Variants in SUGCT observed in about 807,000 individuals in gnomAD.
The protein encoded by SUGCT is succinyl-CoA:glutarate CoA-transferase.
Under a neutral mutation model 55.0 loss-of-function variants are expected in SUGCT, and 41 were observed. The ratio of observed to expected loss-of-function variants is 0.74; its 90% CI spans 0.58 to 0.97. The LOEUF (loss-of-function observed/expected upper bound fraction) is 0.97, where lower values mean the gene tolerates loss of function less well. SUGCT is among the 50% of genes least tolerant of loss of function. The pLI is 0.00. For synonymous variants in SUGCT, 187 were observed against 200.4 expected, an observed-to-expected ratio of 0.93 and a Z score of 0.56; for missense variants, 568 against 547.8, an observed-to-expected ratio of 1.04 and a Z score of -0.37.
At chr7:40,309,900 A>C (rs888820276) in intron 8 of SUGCT, among the ~76,000 whole-genome samples, 2 of 152,062 alleles carry the variant, frequency 1.3e-5, no homozygotes, top group African/African-American at 4.8e-5. Flanking sequence ...ATTAAAAAAA[A>C]AAAAAAACAC....
Position 40,262,119 on chromosome 7 carries a change from G to C in SUGCT, c.577-12394G>C, listed in dbSNP as rs549698632. Among the ~76,000 whole-genome samples, 19 of 152,218 alleles carry C rather than the reference G, an allele frequency of 1.2e-4. No individual in the cohort carries two copies. The East Asian group carries it at 2.5e-3, about 20-fold the overall frequency. On this transcript the variant is annotated intron_variant, in intron 7 of 13. Coordinates refer to ENST00000335693, the MANE Select transcript of SUGCT (RefSeq NM_001193313.2). The stretch of plus-strand genomic sequence containing the variant: ...CAGTAGACAAGAAAATAGTGTGATC[G>C]AAGTATTAAGGCATTTTTGGAAATT...
intron 6 of SUGCT, among the ~76,000 whole-genome samples, chr7:40,217,179 C>A (rs954225667): frequency 6.6e-6 from 1 of 152,104 alleles, no homozygotes; most frequent in Non-Finnish European, 1.5e-5. Flanking sequence ...CGTTGCCCAC[C>A]AACCTGTCTT....
At chr7:40,958,037 G>A in the SUGCT span, among the ~76,000 whole-genome samples, 1 of 152,174 alleles carries the variant, frequency 6.6e-6, no homozygotes, top group Non-Finnish European at 1.5e-5. Flanking sequence ...TTGTCTGTTA[G>A]TGTGATGGGC....
chr7:40,946,327 A>G, the SUGCT span, among the ~76,000 whole-genome samples: 4 of 152,122 alleles, frequency 2.6e-5, no homozygotes, highest in African/African-American at 9.7e-5. Flanking sequence ...GGGTAAGGTC[A>G]GGTCGGGGCT....
intron 12 of SUGCT, among the ~76,000 whole-genome samples, chr7:40,510,746 G>A (rs1041534718): frequency 2.6e-5 from 4 of 152,042 alleles, no homozygotes; most frequent in Non-Finnish European, 2.9e-5. Context: ...TCATGAGGTC[G>A]TACAAAAATA....
At chr7:40,610,558 G>T (rs920853680) in intron 12 of SUGCT, among the ~76,000 whole-genome samples, 1 of 152,128 alleles carries the variant, frequency 6.6e-6, no homozygotes, top group South Asian at 2.1e-4. Flanking sequence ...AAAACATTTT[G>T]CTAGAAGAGA....
intron 12 of SUGCT, among the ~76,000 whole-genome samples, chr7:40,701,309 A>G (rs2128662202): frequency 6.6e-6 from 1 of 152,046 alleles, no homozygotes; most frequent in East Asian, 1.9e-4. Flanking sequence ...GTGGCAGGGC[A>G]CTCCTATCTC....
intron 12 of SUGCT, among the ~76,000 whole-genome samples, chr7:40,574,196 C>G (rs1796600629): frequency 6.6e-6 from 1 of 152,166 alleles, no homozygotes; most frequent in Non-Finnish European, 1.5e-5. Context: ...GCTCCTCTCT[C>G]TACTCCAGCA....
intron 12 of SUGCT, among the ~76,000 whole-genome samples, chr7:40,627,588 A>C (rs1000869091): frequency 6.6e-6 from 1 of 152,214 alleles, no homozygotes; most frequent in Non-Finnish European, 1.5e-5. Context: ...AGCAGGCTGA[A>C]GTGAAGTTTC....
At chr7:40,212,875 G>C (rs1787421720) in intron 6 of SUGCT, among the ~76,000 whole-genome samples, 1 of 152,050 alleles carries the variant, frequency 6.6e-6, no homozygotes, top group Non-Finnish European at 1.5e-5. Context: ...TGATTGATAA[G>C]AAACAAAAAT....
rs114142655 is a variant in SUGCT at position 40,727,752 on chromosome 7, A to G, written c.1090-21682A>G. 9.0e-3 allele frequency among the ~76,000 whole-genome samples: 1,366 copies of G among 152,340 alleles called. 15 individuals carry two copies. Among genetic ancestry groups the G allele is most frequent in the African/African-American group, 0.031 (1,282 of 41,578 alleles). On this transcript the variant is annotated intron_variant, in intron 12 of 13. Coordinates refer to ENST00000335693, the MANE Select transcript of SUGCT (RefSeq NM_001193313.2). Reference sequence around the variant, plus strand: ...TGCAGAAAGAGAATTTTGTAAACCTAGGAAAATGCTGTAGTTCTAGTGCCT... The same window carrying G: ...TGCAGAAAGAGAATTTTGTAAACCTGGGAAAATGCTGTAGTTCTAGTGCCT...
At chr7:40,892,068 T>C in the SUGCT span, among the ~76,000 whole-genome samples, 1 of 152,104 alleles carries the variant, frequency 6.6e-6, no homozygotes, top group Non-Finnish European at 1.5e-5. Flanking sequence ...AGACTCAGAA[T>C]AACACTGTAG....
At chr7:40,399,758 A>G (rs1406960450) in intron 9 of SUGCT, among the ~76,000 whole-genome samples, 2 of 152,208 alleles carry the variant, frequency 1.3e-5, no homozygotes, top group Non-Finnish European at 2.9e-5. Context: ...TGCACTGGCT[A>G]GTACCCCTAG....
chr7:40,780,815 A>T (rs192614208), intron 13 of SUGCT, among the ~76,000 whole-genome samples: 17 of 149,182 alleles, frequency 1.1e-4, no homozygotes, highest in Non-Finnish European at 2.1e-4. Context: ...TAACAAATTT[A>T]AAAACACCAG....
the SUGCT span, among the ~76,000 whole-genome samples, chr7:40,972,530 C>T: frequency 0.034 from 5,174 of 152,260 alleles, 287 homozygotes; most frequent in African/African-American, 0.12. Flanking sequence ...ACTTTGCACA[C>T]AGTGGGTTTG....
chr7:40,945,326 G>A, the SUGCT span, among the ~76,000 whole-genome samples: 1 of 152,100 alleles, frequency 6.6e-6, no homozygotes, highest in Non-Finnish European at 1.5e-5. Flanking sequence ...GATTAAACAG[G>A]CATCTGTTTT....
At position 40,385,947 on chromosome 7, in the gene SUGCT, C is replaced by T. The variant is rs1315438131; in HGVS notation, c.817-63340C>T. Among the ~76,000 whole-genome samples, 4 of 152,116 alleles carry T rather than the reference C, an allele frequency of 2.6e-5. No homozygotes were observed. In the East Asian group the frequency reaches 7.7e-4, roughly 29 times the overall value. On this transcript the variant is annotated intron_variant, in intron 9 of 13. Coordinates refer to ENST00000335693, the MANE Select transcript of SUGCT (RefSeq NM_001193313.2). ...GGGGGGATGGATGCATATCCAGATG[C>T]TTAAGCAGATTTTATTGATTATAAA...
At chr7:40,267,509 A>G (rs1298390790) in intron 7 of SUGCT, among the ~76,000 whole-genome samples, 1 of 152,282 alleles carries the variant, frequency 6.6e-6, no homozygotes, top group Non-Finnish European at 1.5e-5. Flanking sequence ...ATTTTTTTCA[A>G]TGTATTTTTA....
In SUGCT at chr7:40,135,073, C is replaced by G; in HGVS notation, c.53C>G (p.Ser18Cys). 6.4e-7 allele frequency: 1 copy of G among 1,560,772 alleles called. No individual in the cohort carries two copies. The highest frequency in any genetic ancestry group is 8.7e-7 in the Non-Finnish European group (1 of 1,153,628). Reference protein sequence around the residue: ...VAALRRTCLFSGRGGGRGLWT... With the variant: ...VAALRRTCLFCGRGGGRGLWT... ...GCTCTGCGCAGAACCTGCCTCTTCT[C>G]CGGCCGGGGCGGCGGGAGGGGGCTG... is the stretch of plus-strand genomic sequence containing the variant. Residue 18 changes from serine (S) to cysteine (C), a missense_variant, in exon 1 of 14, where the codon TCC becomes TGC. By Grantham distance (112) the Ser-to-Cys change is moderately radical. Coordinates refer to ENST00000335693, the MANE Select transcript of SUGCT (RefSeq NM_001193313.2).
Sources: gnomAD v4.1 joint callset for allele counts (sites outside exome capture counted in the v4.1 genomes callset) on GRCh38, gnomAD v4.1.1 for gene constraint, MANE v1.5 for transcripts, NCBI Gene and HGNC (gene_info 2026-07-23, HGNC 2026-07-21) for gene names.